Variants in IFNG-AS1 observed in about 807,000 individuals in gnomAD.
IFNG-AS1 encodes IFNG regulatory antisense RNA 1, also known as IFNG antisense RNA 1 (non-protein coding).
chr12:68,001,363 T>C (rs747017628), intron 2 of IFNG-AS1: 1 of 192,308 alleles, frequency 5.2e-6, no homozygotes, highest in Non-Finnish European at 1.1e-5. Context: ...CAGTACAGCA[T>C]GAATCTGAGT....
At chr12:67,995,469 T>A in intron 1 of IFNG-AS1, among the ~76,000 whole-genome samples, 1 of 127,650 alleles carries the variant, frequency 7.8e-6, no homozygotes, top group African/African-American at 3.0e-5. Context: ...ACGCCTGTAA[T>A]CTTAGAACTT....
rs142614525 is a variant in IFNG-AS1, at chr12:68,003,644, G to C, written n.185-2446G>C. Among the ~76,000 whole-genome samples the C allele has an allele frequency of 9.8e-3, 1,488 of 152,192 alleles. 25 individuals are homozygous for C. The highest frequency in any genetic ancestry group is 0.034 in the African/African-American group (1,392 of 41,516). ...CAGAATCCGTATTAGGCCGGGCGTGGTGGCTCACGCCTGTAATCCCAGCAC... is the reference window on the plus strand; with the variant it reads ...CAGAATCCGTATTAGGCCGGGCGTGCTGGCTCACGCCTGTAATCCCAGCAC... On this transcript the variant is annotated intron_variant and non_coding_transcript_variant, in intron 2 of 5. Transcript: ENST00000536914.
chr12:68,020,497 G>T (rs1000067275), intron 4 of IFNG-AS1: 1 of 152,106 alleles, frequency 6.6e-6, no homozygotes, highest in Non-Finnish European at 1.5e-5. Flanking sequence ...GTTCTTTGTC[G>T]CTGGACTAAA....
rs147115762 is a variant in IFNG-AS1, at chr12:68,004,679, C to A, written n.185-1411C>A. Among the ~76,000 whole-genome samples the A allele has an allele frequency of 2.8e-4, 42 of 152,328 alleles. No individual in the cohort carries two copies. The East Asian group carries it at 7.5e-3, about 27-fold the overall frequency. Reference sequence around the variant, plus strand: ...TCTGCCAATTCCCTGGGCTTCTTAACACCAATACGTCTGCTTGTCAAGGCT... The same window carrying A: ...TCTGCCAATTCCCTGGGCTTCTTAAAACCAATACGTCTGCTTGTCAAGGCT... On this transcript the variant is annotated intron_variant and non_coding_transcript_variant, in intron 2 of 5. Transcript: ENST00000536914.
intron 4 of IFNG-AS1, chr12:68,020,497 G>A (rs1000067275): frequency 3.9e-5 from 6 of 152,222 alleles, no homozygotes; most frequent in South Asian, 2.1e-4. Flanking sequence ...GTTCTTTGTC[G>A]CTGGACTAAA....
intron 3 of IFNG-AS1, among the ~76,000 whole-genome samples, chr12:68,014,815 CAG>C (rs1441310301): frequency 2.8e-5 from 4 of 142,016 alleles, no homozygotes; most frequent in South Asian, 2.3e-4. Flanking sequence ...CACACACACA[CAG>C]ACACCCTATT....
At chr12:68,017,944 A>C (rs531749700) in intron 3 of IFNG-AS1, among the ~76,000 whole-genome samples, 1 of 152,250 alleles carries the variant, frequency 6.6e-6, no homozygotes, top group East Asian at 1.9e-4. Flanking sequence ...CCCAGCTACT[A>C]TTTTTAGATT....
intron 1 of IFNG-AS1, among the ~76,000 whole-genome samples, chr12:67,993,714 A>G: frequency 6.6e-6 from 1 of 152,320 alleles, no homozygotes; most frequent in South Asian, 2.1e-4. Flanking sequence ...AATAAAAAAG[A>G]TAATGTAACA....
At chr12:68,015,914 C>T (rs951114961) in intron 3 of IFNG-AS1, among the ~76,000 whole-genome samples, 1 of 149,342 alleles carries the variant, frequency 6.7e-6, no homozygotes, top group Non-Finnish European at 1.5e-5. Flanking sequence ...CGGTTTAGTG[C>T]CTCCATTTTC....
In IFNG-AS1 at chr12:68,010,385, C is replaced by T. The variant is rs576816979; in HGVS notation, n.241+4239C>T. 5.9e-5 allele frequency among the ~76,000 whole-genome samples: 9 copies of T among 152,312 alleles called. No individual in the cohort carries two copies. The East Asian group carries it at 7.7e-4, about 13-fold the overall frequency. Reference sequence around the variant, plus strand: ...TTTCTGGTCTTCAGACGCCAGTTTGCGGAGTACATCCCTAGTCAAAATAAT... The same window carrying T: ...TTTCTGGTCTTCAGACGCCAGTTTGTGGAGTACATCCCTAGTCAAAATAAT... On this transcript the variant is annotated intron_variant and non_coding_transcript_variant, in intron 3 of 5. Transcript: ENST00000536914.
intron 3 of IFNG-AS1, among the ~76,000 whole-genome samples, chr12:68,010,978 T>C (rs375844145): frequency 6.6e-6 from 1 of 152,198 alleles, no homozygotes; most frequent in South Asian, 2.1e-4. Flanking sequence ...AGATGTATTA[T>C]CTCGTTGAAT....
At chr12:67,991,247 G>C (rs1226169785) in intron 1 of IFNG-AS1, among the ~76,000 whole-genome samples, 1 of 152,168 alleles carries the variant, frequency 6.6e-6, no homozygotes, top group African/African-American at 2.4e-5. Context: ...TTGATTATTA[G>C]GTTTTAAGAA....
At chr12:67,989,462 T>C (rs1412362348), upstream of IFNG-AS1, 1 of 152,150 alleles carries the variant, frequency 6.6e-6, no homozygotes, top group Non-Finnish European at 1.5e-5. Flanking sequence ...TTCAGGTAGC[T>C]TTTCTGACTC....
At chr12:67,994,883 C>G (rs1879598507) in intron 1 of IFNG-AS1, among the ~76,000 whole-genome samples, 1 of 152,166 alleles carries the variant, frequency 6.6e-6, no homozygotes, top group Non-Finnish European at 1.5e-5. Context: ...TTTAAAGAAA[C>G]TTAGGCAAGT....
intron 1 of IFNG-AS1, among the ~76,000 whole-genome samples, chr12:67,994,076 C>T (rs1463317417): frequency 6.6e-6 from 1 of 152,162 alleles, no homozygotes; most frequent in Admixed American, 6.5e-5. Flanking sequence ...AATAATTTAA[C>T]CTTCCAAGCA....
intron 3 of IFNG-AS1, among the ~76,000 whole-genome samples, chr12:68,006,808 T>C (rs1016825973): frequency 2.0e-5 from 3 of 152,196 alleles, no homozygotes; most frequent in Non-Finnish European, 4.4e-5. Context: ...GCATGTGTGC[T>C]TGGAAGAAGA....
At chr12:67,990,258 ACTT>A (rs1459145253) in intron 1 of IFNG-AS1, among the ~76,000 whole-genome samples, 1 of 152,202 alleles carries the variant, frequency 6.6e-6, no homozygotes, top group Non-Finnish European at 1.5e-5. Flanking sequence ...TATTAAATTG[ACTT>A]CTTAATGTTC....
chr12:68,005,179 C>A (rs938461206), intron 2 of IFNG-AS1, among the ~76,000 whole-genome samples: 1 of 152,106 alleles, frequency 6.6e-6, no homozygotes, highest in Admixed American at 6.5e-5. Flanking sequence ...AAAGGGGGAG[C>A]GGGTAATAAT....
intron 3 of IFNG-AS1, among the ~76,000 whole-genome samples, chr12:68,015,005 C>T (rs988490652): frequency 4.6e-5 from 7 of 152,032 alleles, no homozygotes; most frequent in African/African-American, 1.7e-4. Flanking sequence ...AACCCAGGCA[C>T]CAAGATCAAA....
Sources: gnomAD v4.1 joint callset for allele counts (sites outside exome capture counted in the v4.1 genomes callset) on GRCh38, gnomAD v4.1.1 for gene constraint, MANE v1.5 for transcripts, NCBI Gene and HGNC (gene_info 2026-07-23, HGNC 2026-07-21) for gene names.